The following PCDHGA8 variants were observed in gnomAD, a reference collection of about 807,000 sequenced individuals.
PCDHGA8 encodes protocadherin gamma subfamily A, 8.
In PCDHGA8, 45 loss-of-function variants were observed where a neutral mutation model predicts 59.2. That is an observed-to-expected ratio of 0.76 (90% CI 0.60 to 0.98). The LOEUF is 0.98. PCDHGA8 is among the 50% of genes least tolerant of loss of function. The pLI is 0.00. For synonymous variants in PCDHGA8, 531 were observed against 519.0 expected, an observed-to-expected ratio of 1.02 and a Z score of -0.32; for missense variants, 1,257 against 1,196.2, an observed-to-expected ratio of 1.05 and a Z score of -0.75.
At chr5:141,404,123 T>A (rs1477938356) in intron 1 of PCDHGA8, 4 of 1,613,394 alleles carry the variant, frequency 2.5e-6, no homozygotes, top group Admixed American at 1.7e-5. Context: ...GGAGAATCTA[T>A]CTTTTACATT....
At chr5:141,453,311 A>C (rs2098762053) in intron 1 of PCDHGA8, among the ~76,000 whole-genome samples, 1 of 151,602 alleles carries the variant, frequency 6.6e-6, no homozygotes, top group African/African-American at 2.4e-5. Flanking sequence ...TTATTTATTT[A>C]TTTTAGAGAT....
At chr5:141,508,760 T>A (rs1004267844) in intron 3 of PCDHGA8, among the ~76,000 whole-genome samples, 17 of 151,522 alleles carry the variant, frequency 1.1e-4, no homozygotes, top group Admixed American at 1.1e-3. Flanking sequence ...CTCTGGCGCC[T>A]CTGAGGTCCC....
At position 141,393,382 on chromosome 5, in the gene PCDHGA8, T is replaced by G. The variant is rs778957877; in HGVS notation, c.569T>G (p.Ile190Arg). Reference protein sequence around the residue: ...LDVQTGDNGAINPELVLERAL... With the variant: ...LDVQTGDNGARNPELVLERAL... ...GTGCAGACTGGAGACAATGGAGCCA[T>G]AAACCCAGAGCTGGTGCTGGAGCGC... The change falls in exon 1 of 4, where the codon ATA becomes AGA. Residue 190 changes from isoleucine (I) to arginine (R), a missense_variant. By Grantham distance (97) the Ile-to-Arg change is moderately conservative (BLOSUM62 -3). Coordinates refer to ENST00000398604, the MANE Select transcript of PCDHGA8 (RefSeq NM_032088.2). The G allele has an allele frequency of 1.9e-6, 3 of 1,613,948 alleles. No individual in the cohort carries two copies. In the South Asian group the frequency reaches 3.3e-5, roughly 18 times the overall value.
intron 1 of PCDHGA8, chr5:141,409,728 C>T: frequency 6.2e-7 from 1 of 1,613,134 alleles, no homozygotes; most frequent in Non-Finnish European, 8.5e-7. Flanking sequence ...TCAGTGAGCG[C>T]GCAGAGCGGG....
chr5:141,393,220 A>G lies in PCDHGA8; in HGVS notation c.407A>G (p.Glu136Gly), dbSNP rs2092705422. The change falls in exon 1 of 4, where the codon GAA becomes GGA. Residue 136 changes from glutamate (E) to glycine (G), a missense_variant. Glu to Gly is a moderately conservative substitution (Grantham distance 98). Coordinates refer to ENST00000398604, the MANE Select transcript of PCDHGA8 (RefSeq NM_032088.2). ...GATAATAACCCAAAATTCCAGGTCG[A>G]AGATCTAGAAGTAAAAATTAACGAA... ...INDNNPKFQV[E>G]DLEVKINEIA... 15 of 1,613,684 alleles carry G rather than the reference A, an allele frequency of 9.3e-6. No individual in the cohort carries two copies. Among genetic ancestry groups the G allele is most frequent in the Non-Finnish European group, 1.3e-5 (15 of 1,179,906 alleles).
At chr5:141,467,564 G>A (rs926613546) in intron 1 of PCDHGA8, among the ~76,000 whole-genome samples, 5 of 152,152 alleles carry the variant, frequency 3.3e-5, no homozygotes, top group Admixed American at 3.3e-4. Flanking sequence ...TTCCCAAATG[G>A]CTATCCAGTT....
In PCDHGA8 at chr5:141,511,086, G is replaced by A. The variant is rs2099883600; in HGVS notation, c.2712G>A (p.Leu904=). The A allele has an allele frequency of 1.2e-6, 2 of 1,614,062 alleles. No individual in the cohort carries two copies. The highest frequency in any genetic ancestry group is 2.2e-5 in the East Asian group (1 of 44,886). The change falls in exon 4 of 4, where the codon CTG becomes CTA. Residue 904 remains leucine (L), a synonymous_variant. Transcript: ENST00000398604. ...ACATCCCAGGCAGCAATGCCACACT[G>A]ACCAACGCAGCTGGCAAGCGGGATG... is the stretch of plus-strand genomic sequence containing the variant. The part of the protein sequence containing the change: ...NVYIPGSNAT[L]TNAAGKRDGK...
intron 1 of PCDHGA8, among the ~76,000 whole-genome samples, chr5:141,435,227 G>T (rs1461159947): frequency 1.3e-5 from 2 of 152,030 alleles, no homozygotes; most frequent in African/African-American, 4.8e-5. Context: ...TTCTTTCAAA[G>T]TTCAGTAATT....
chr5:141,444,545 CA>C (rs1264288836), intron 1 of PCDHGA8, among the ~76,000 whole-genome samples: 7 of 152,042 alleles, frequency 4.6e-5, no homozygotes, highest in Admixed American at 6.6e-5. Flanking sequence ...GTCTAGTGAG[CA>C]AAAGGCACTT....
Position 141,420,141 on chromosome 5 carries a change from T to C in PCDHGA8, c.2424+24904T>C, listed in dbSNP as rs556066866. 9.9e-6 allele frequency: 16 copies of C among 1,614,040 alleles called. No homozygotes were observed. The East Asian group carries it at 3.3e-4, about 34-fold the overall frequency. On this transcript the variant is annotated intron_variant, in intron 1 of 3. Coordinates refer to ENST00000398604, the MANE Select transcript of PCDHGA8 (RefSeq NM_032088.2). ...AATTTTTGTGTGCCTGGGGATCAAA[T>C]GAATCCAGAATTTAATTTTTTCACA... is the stretch of plus-strand genomic sequence containing the variant.
At chr5:141,409,471 AG>A in intron 1 of PCDHGA8, 1 of 1,613,978 alleles carries the variant, frequency 6.2e-7, no homozygotes, top group Non-Finnish European at 8.5e-7. Flanking sequence ...TCACCATCGT[AG>A]CCACTGACAG....
Position 141,489,120 on chromosome 5 carries a change from G to T in PCDHGA8, c.2425-5687G>T. On this transcript the variant is annotated intron_variant, in intron 1 of 3. Coordinates refer to ENST00000398604, the MANE Select transcript of PCDHGA8 (RefSeq NM_032088.2). The surrounding 1 kb of genome is among the most constrained non-coding windows in gnomAD (Gnocchi z 4.5). Reference sequence around the variant, plus strand: ...AACTGCTGCAAGCAGGCAAACCTCCGAGCAGTTTTTAAGAGGCTGGAAGGA... The same window carrying T: ...AACTGCTGCAAGCAGGCAAACCTCCTAGCAGTTTTTAAGAGGCTGGAAGGA... 2.2e-6 allele frequency: 1 copy of T among 445,672 alleles called. No individual in the cohort carries two copies. The highest frequency in any genetic ancestry group is 3.8e-6 in the Non-Finnish European group (1 of 264,754). The allele number at this position is 445,672 out of a possible 1,614,324, so 27.6% of individuals were successfully genotyped here.
At chr5:141,458,090 G>C (rs1306631184) in intron 1 of PCDHGA8, among the ~76,000 whole-genome samples, 2 of 152,234 alleles carry the variant, frequency 1.3e-5, no homozygotes, top group Non-Finnish European at 1.5e-5. Context: ...CGTAAGTTAA[G>C]AGTACTTACA....
chr5:141,455,905 T>TTATG (rs2098836561), intron 1 of PCDHGA8, among the ~76,000 whole-genome samples: 1 of 148,340 alleles, frequency 6.7e-6, no homozygotes, highest in Admixed American at 6.7e-5. Flanking sequence ...ATTTATTTAT[T>TTATG]TATTTATTTT....
In PCDHGA8 at chr5:141,421,780, G is replaced by A. The variant is rs1259671007; in HGVS notation, c.2424+26543G>A. On this transcript the variant is annotated intron_variant, in intron 1 of 3. Coordinates refer to ENST00000398604, the MANE Select transcript of PCDHGA8 (RefSeq NM_032088.2). ...TAATTACTTTTCCTTGCAACTGCGGGGCAGAACGGATGGGGCCAAGAATCC... is the reference window on the plus strand; with the variant it reads ...TAATTACTTTTCCTTGCAACTGCGGAGCAGAACGGATGGGGCCAAGAATCC... The A allele has an allele frequency of 2.5e-6, 4 of 1,613,856 alleles. No homozygotes were observed. In the South Asian group the frequency reaches 4.4e-5, roughly 18 times the overall value.
In PCDHGA8 at chr5:141,477,595, T is replaced by C. The variant is rs1289890776; in HGVS notation, c.2425-17212T>C. The C allele has an allele frequency of 6.2e-7, 1 of 1,614,176 alleles. No individual in the cohort carries two copies. Among genetic ancestry groups the C allele is most frequent in the Non-Finnish European group, 8.5e-7 (1 of 1,180,032 alleles). ...ACGCCCCGCAGAATGCTCGGCTTTC[T>C]TTCTTTCTCTTGGAGCAAGGAGCTG... On this transcript the variant is annotated intron_variant, in intron 1 of 3. Coordinates refer to ENST00000398604, the MANE Select transcript of PCDHGA8 (RefSeq NM_032088.2). This position sits in a 1 kb window ranked among gnomAD's most constrained non-coding sequence, Gnocchi z 4.9.
rs754462129 is a variant in PCDHGA8, at chr5:141,490,693, G to T, written c.2425-4114G>T. 6.2e-7 allele frequency: 1 copy of T among 1,614,170 alleles called. No homozygotes were observed. Among genetic ancestry groups the T allele is most frequent in the South Asian group, 1.1e-5 (1 of 91,072 alleles). On this transcript the variant is annotated intron_variant, in intron 1 of 3. Transcript: ENST00000398604. This position sits in a 1 kb window ranked among gnomAD's most constrained non-coding sequence, Gnocchi z 5.4. Reference sequence around the variant, plus strand: ...GGCTGCCTCAGATCCAGACACTGGGGATAATGCCCGCCTCACCTACTCCAT... The same window carrying T: ...GGCTGCCTCAGATCCAGACACTGGGTATAATGCCCGCCTCACCTACTCCAT...
chr5:141,507,810 G>A (rs550331241), intron 3 of PCDHGA8, among the ~76,000 whole-genome samples: 1 of 152,290 alleles, frequency 6.6e-6, no homozygotes, highest in African/African-American at 2.4e-5. Context: ...CCTGGGGAAC[G>A]GACCCTGGGG....
rs137901127 is a variant in PCDHGA8 at position 141,436,420 on chromosome 5, A to G, written c.2424+41183A>G. 1.4e-3 allele frequency among the ~76,000 whole-genome samples: 213 copies of G among 152,326 alleles called. 1 individual carries two copies. The highest frequency in any genetic ancestry group is 4.8e-3 in the African/African-American group (199 of 41,594). ...AGTTGTTGAATGAATGGATAAACAA[A>G]TAATGTACTCTGGGGATTACCTGAT... On this transcript the variant is annotated intron_variant, in intron 1 of 3. Coordinates refer to ENST00000398604, the MANE Select transcript of PCDHGA8 (RefSeq NM_032088.2).
Sources: allele counts gnomAD v4.1 joint callset (sites outside exome capture counted in the v4.1 genomes callset), GRCh38; gene constraint gnomAD v4.1.1; non-coding constraint Gnocchi (gnomAD v3.1); transcripts MANE v1.5; gene names NCBI Gene and HGNC (gene_info 2026-07-23, HGNC 2026-07-21).